The following ATAD3C variants were observed in gnomAD, a reference collection of about 807,000 sequenced individuals.
The protein encoded by ATAD3C is ATPase family AAA domain containing 3C.
A neutral mutation model predicts 46.3 loss-of-function variants in ATAD3C; 38 were observed. The observed-to-expected ratio is 0.82, with a 90% CI of 0.63 to 1.08. The LOEUF (loss-of-function observed/expected upper bound fraction) is 1.08, where lower values mean the gene tolerates loss of function less well. Ranked by LOEUF, ATAD3C falls within the 50% of genes least tolerant of loss-of-function variation. The probability of loss-of-function intolerance (pLI) is 0.00; values close to 1 mark genes in which losing one functional copy is unlikely to be tolerated. For missense variants in ATAD3C, 563 were observed against 572.7 expected (o/e 0.98, Z 0.17); for synonymous variants, 220 against 236.4 (o/e 0.93, Z 0.63).
At chr1:1,466,242 CAAAAAA>C (rs1168198351) in intron 11 of ATAD3C, among the ~76,000 whole-genome samples, 2 of 67,084 alleles carry the variant, frequency 3.0e-5, no homozygotes, top group African/African-American at 9.5e-5. Flanking sequence ...ACTTCTGTCT[CAAAAAA>C]AAAAAAAAAA....
chr1:1,467,409 G>A (rs1232228881), intron 11 of ATAD3C, among the ~76,000 whole-genome samples: 2 of 151,950 alleles, frequency 1.3e-5, no homozygotes, highest in Admixed American at 1.3e-4. Context: ...GCGCTCCCGG[G>A]CCCCCGACCC....
rs776744052 is a variant in ATAD3C, at chr1:1,460,746, G to A, written c.813-4G>A. On this transcript the variant is annotated splice_region_variant and splice_polypyrimidine_tract_variant and intron_variant, in intron 9 of 11. Coordinates refer to ENST00000378785, the MANE Select transcript of ATAD3C (RefSeq NM_001039211.3). ...GCGTTTCCTTCCCCATCCCCGCCCCGCAGATTCATGCTGATCCTGGCCAGC... is the reference window on the plus strand; with the variant it reads ...GCGTTTCCTTCCCCATCCCCGCCCCACAGATTCATGCTGATCCTGGCCAGC... 21 of 1,597,996 alleles carry A rather than the reference G, an allele frequency of 1.3e-5. No individual in the cohort carries two copies. Among genetic ancestry groups the A allele is most frequent in the Non-Finnish European group, 1.6e-5 (19 of 1,171,428 alleles).
chr1:1,452,454 A>T lies in ATAD3C; in HGVS notation c.222+20A>T. 1 of 1,613,530 alleles carries T rather than the reference A, an allele frequency of 6.2e-7. No individual in the cohort carries two copies. The highest frequency in any genetic ancestry group is 8.5e-7 in the Non-Finnish European group (1 of 1,179,646). ...GCCACGGTAAACATACTCATAAAAC[A>T]GGGCTGGCAGGTGGCTGAGGGGCAG... On this transcript the variant is annotated intron_variant, in intron 3 of 11. Transcript: ENST00000378785.
At chr1:1,455,997 C>T in intron 6 of ATAD3C, 81 bp downstream of exon 6, 1 of 1,596,130 alleles carries the variant, frequency 6.3e-7, no homozygotes. Context: ...GCTCAGCTGC[C>T]TGGGGAATGG....
intron 2 of ATAD3C, 91 bp downstream of exon 2, chr1:1,452,213 C>G: frequency 1.3e-6 from 2 of 1,582,318 alleles, no homozygotes; most frequent in Non-Finnish European, 1.7e-6. Flanking sequence ...TCTCCCAGGT[C>G]TGGCCGCTGT....
At position 1,455,759 on chromosome 1, in the gene ATAD3C, T is replaced by C. The variant is rs1183671233; in HGVS notation, c.439-32T>C. 46 of 1,612,104 alleles carry C rather than the reference T, an allele frequency of 2.9e-5. 1 individual carries two copies. Among genetic ancestry groups the C allele is most frequent in the Non-Finnish European group, 3.5e-5 (41 of 1,179,270 alleles). ...CCCCGAGGCTTCTGTGGGTGCAGACTGTGTCCTCCAAGCCCCTGTCTTCCT... is the reference window on the plus strand; with the variant it reads ...CCCCGAGGCTTCTGTGGGTGCAGACCGTGTCCTCCAAGCCCCTGTCTTCCT... On this transcript the variant is annotated intron_variant, in intron 5 of 11. Coordinates refer to ENST00000378785, the MANE Select transcript of ATAD3C (RefSeq NM_001039211.3).
rs202238789 is a variant in ATAD3C at position 1,452,323 on chromosome 1, G to T, written c.153-42G>T. The T allele has an allele frequency of 5.6e-6, 9 of 1,613,386 alleles. No homozygotes were observed. In the Admixed American group the frequency reaches 1.0e-4, roughly 18 times the overall value. On this transcript the variant is annotated intron_variant, in intron 2 of 11. Transcript: ENST00000378785. ...AACCTGTTCTTGCTACGTGGCGTGGGTCTTTGTTTCCCTCCTGGTCACACC... is the reference window on the plus strand; with the variant it reads ...AACCTGTTCTTGCTACGTGGCGTGGTTCTTTGTTTCCCTCCTGGTCACACC...
At position 1,452,141 on chromosome 1, in the gene ATAD3C, CG is replaced by C; in HGVS notation, c.152+22del. On this transcript the variant is annotated intron_variant, in intron 2 of 11. Coordinates refer to ENST00000378785, the MANE Select transcript of ATAD3C (RefSeq NM_001039211.3). ...CCATCAGGTGAGCGCTGCCGAGGCC[CG>C]GGCCGGCCGCAGATGGAGCCCCCAC... is the stretch of plus-strand genomic sequence containing the variant. 1 of 1,611,914 alleles carries C rather than the reference CG, an allele frequency of 6.2e-7. No individual in the cohort carries two copies. The highest frequency in any genetic ancestry group is 8.5e-7 in the Non-Finnish European group (1 of 1,178,812).
Position 1,459,438 on chromosome 1 carries a change from A to G in ATAD3C, c.812+207A>G, listed in dbSNP as rs1343111863. ...AGGAACATGCGGGGGCCTCCCGGGC[A>G]GAGCTGGGGTCAGTCCTGTCCTCAC... is the stretch of plus-strand genomic sequence containing the variant. On this transcript the variant is annotated intron_variant, in intron 9 of 11. Transcript: ENST00000378785. The surrounding 1 kb of genome is among the most constrained non-coding windows in gnomAD (Gnocchi z 4.9). Among the ~76,000 whole-genome samples, 1 of 151,950 alleles carries G rather than the reference A, an allele frequency of 6.6e-6. No homozygotes were observed. Among genetic ancestry groups the G allele is most frequent in the Non-Finnish European group, 1.5e-5 (1 of 68,000 alleles).
rs757164949 is a variant in ATAD3C, at chr1:1,455,866, C to A, written c.514C>A (p.His172Asn). 3.1e-4 allele frequency: 493 copies of A among 1,613,410 alleles called. 8 individuals carry two copies. The highest frequency in any genetic ancestry group is 2.4e-3 in the South Asian group (218 of 90,994). ...CAAGAAGAACCGGGGCCTGTACAGG[C>A]ACATCCTGCTGTACGGGCCACCAGG... ...NIKKNRGLYR[H>N]ILLYGPPGTG... Residue 172 changes from histidine (H) to asparagine (N), a missense_variant, in exon 6 of 12, where the codon CAC becomes AAC. His to Asn is a moderately conservative substitution (Grantham distance 68). Transcript: ENST00000378785.
At chr1:1,466,502 G>A (rs552019130) in intron 11 of ATAD3C, among the ~76,000 whole-genome samples, 9 of 140,670 alleles carry the variant, frequency 6.4e-5, no homozygotes, top group East Asian at 2.2e-4. Flanking sequence ...GCAGTGAGCC[G>A]AGATGCCTGG....
chr1:1,453,703 A>G (rs1695861), intron 3 of ATAD3C, among the ~76,000 whole-genome samples: 64,781 of 149,732 alleles, frequency 0.43, 20,228 homozygotes, highest in East Asian at 0.99. Flanking sequence ...GTGACGGCGC[A>G]GTCTGGGCTC....
Position 1,450,380 on chromosome 1 carries a change from CCTGA to C in ATAD3C, c.-301_-298del, listed in dbSNP as rs1306375776. The C allele has an allele frequency of 5.4e-6, 2 of 368,536 alleles. No individual in the cohort carries two copies. Among genetic ancestry groups the C allele is most frequent in the East Asian group, 4.4e-5 (1 of 22,504 alleles). 22.8% of individuals were successfully genotyped at this position (368,536 alleles called of 1,614,324 possible). A position where few individuals can be genotyped will look rare whatever the true frequency, so the allele number is the denominator to read the frequency against. On this transcript the variant is annotated 5_prime_UTR_variant, in exon 1 of 12. It removes the in-frame stop codon of an upstream open reading frame in the 5' UTR. Transcript: ENST00000378785. ...GAAAAAATGGACACTTTAGCCATCG[CCTGA>C]CTTTCTGTTGAATTGGGAAAGAGCC...
Position 1,469,981 on chromosome 1 carries a change from C to T in ATAD3C, c.*1451C>T, listed in dbSNP as rs917889650. 4.6e-5 allele frequency: 7 copies of T among 151,842 alleles called. 1 individual carries two copies. Among genetic ancestry groups the T allele is most frequent in the Non-Finnish European group, 7.4e-5 (5 of 67,942 alleles). 9.4% of individuals were successfully genotyped at this position (151,842 alleles called of 1,614,324 possible). ...CTTAAGAAGGTTCTTTGTCATTCTC[C>T]CCACCCTTGAGAATGTACTTTGTGA... On this transcript the variant is annotated 3_prime_UTR_variant, in exon 12 of 12. Transcript: ENST00000378785.
chr1:1,452,502 A>C (rs1446825032), intron 3 of ATAD3C, 68 bp downstream of exon 3: 16 of 1,609,534 alleles, frequency 9.9e-6, no homozygotes, highest in South Asian at 5.5e-5. Context: ...TCCTGGAGCC[A>C]CAGGTCCTAT....
chr1:1,462,421 T>C lies in ATAD3C; in HGVS notation c.981-179T>C. Reference sequence around the variant, plus strand: ...CCAGGCCCCACAGCCGCCCCCTTCCTGCTCAGCCCAGGCCTGGCTTGCGTC... The same window carrying C: ...CCAGGCCCCACAGCCGCCCCCTTCCCGCTCAGCCCAGGCCTGGCTTGCGTC... On this transcript the variant is annotated intron_variant, in intron 10 of 11. Transcript: ENST00000378785. This position sits in a 1 kb window ranked among gnomAD's most constrained non-coding sequence, Gnocchi z 4.5. 1.6e-6 allele frequency: 1 copy of C among 620,596 alleles called. No homozygotes were observed. The highest frequency in any genetic ancestry group is 1.9e-5 in the African/African-American group (1 of 53,448). 38.4% of individuals were successfully genotyped at this position (620,596 alleles called of 1,614,324 possible). A position where few individuals can be genotyped will look rare whatever the true frequency, so the allele number is the denominator to read the frequency against.
intron 8 of ATAD3C, among the ~76,000 whole-genome samples, chr1:1,457,618 A>G (rs1404305471): frequency 6.6e-6 from 1 of 151,076 alleles, no homozygotes; most frequent in South Asian, 2.1e-4. Context: ...AAAAAAACAA[A>G]AAAAACAGCA....
At chr1:1,455,598 C>G in intron 5 of ATAD3C, 79 bp downstream of exon 5, 1 of 1,601,402 alleles carries the variant, frequency 6.2e-7, no homozygotes, top group Non-Finnish European at 8.5e-7. Context: ...CTTGCTGGCG[C>G]TCCTGGTGGC....
intron 11 of ATAD3C, among the ~76,000 whole-genome samples, chr1:1,465,589 TA>T (rs1156747431): frequency 0.04 from 4,441 of 110,490 alleles, 186 homozygotes; most frequent in African/African-American, 0.12. Flanking sequence ...AGACTGTCTT[TA>T]AAAAAAAAAA....
Sources: gnomAD v4.1 joint callset for allele counts (sites outside exome capture counted in the v4.1 genomes callset) on GRCh38, gnomAD v4.1.1 for gene constraint, Gnocchi (gnomAD v3.1) non-coding constraint, MANE v1.5 for transcripts, NCBI Gene and HGNC (gene_info 2026-07-23, HGNC 2026-07-21) for gene names.